TENM4: variants seen among roughly 807,000 people sequenced by gnomAD.
TENM4 encodes teneurin transmembrane protein 4.
TENM4 carries 82 observed loss-of-function variants against 243.3 expected under a neutral mutation model. The ratio of observed to expected loss-of-function variants is 0.34; its 90% CI spans 0.28 to 0.40. The LOEUF (loss-of-function observed/expected upper bound fraction) is 0.40, where lower values mean the gene tolerates loss of function less well. Among genes scored for constraint, TENM4 ranks in the 10% least tolerant of loss-of-function variants. TENM4 has a pLI of 1.00. For missense variants in TENM4, 3,138 were observed against 3,673.3 expected (o/e 0.85, Z 3.77); for synonymous variants, 1,412 against 1,456.3 (o/e 0.97, Z 0.69).
At chr11:79,214,401 A>T (rs1241116417) in intron 3 of TENM4, among the ~76,000 whole-genome samples, 1 of 152,172 alleles carries the variant, frequency 6.6e-6, no homozygotes, top group East Asian at 1.9e-4. Context: ...GGAAAAGCCT[A>T]CCTTTGTTTT....
At chr11:79,058,695 A>T (rs1258876373) in intron 6 of TENM4, among the ~76,000 whole-genome samples, 4 of 152,194 alleles carry the variant, frequency 2.6e-5, no homozygotes, top group African/African-American at 9.6e-5. Context: ...AAATGAGGGA[A>T]GGTTAAGAGT....
intron 6 of TENM4, among the ~76,000 whole-genome samples, chr11:78,974,202 A>G (rs76998205): frequency 0.011 from 1,623 of 152,328 alleles, 30 homozygotes; most frequent in African/African-American, 0.037. Flanking sequence ...GTAATTCCAC[A>G]TATAGTGGGT....
At chr11:79,110,785 G>T (rs1861485258) in intron 4 of TENM4, among the ~76,000 whole-genome samples, 1 of 152,180 alleles carries the variant, frequency 6.6e-6, no homozygotes, top group East Asian at 1.9e-4. Context: ...CTGGGACATG[G>T]TATCTGAGAG....
chr11:79,097,375 A>C (rs562005744), intron 4 of TENM4: 1 of 152,340 alleles, frequency 6.6e-6, no homozygotes, highest in Non-Finnish European at 1.5e-5. Flanking sequence ...AGGCTGAGGA[A>C]GGAACCAGAA....
At chr11:79,387,916 G>T (rs948458642) in intron 1 of TENM4, among the ~76,000 whole-genome samples, 1 of 152,314 alleles carries the variant, frequency 6.6e-6, no homozygotes, top group Middle Eastern at 3.4e-3. Context: ...GAGGTGGAAG[G>T]ATTGCTTGAG....
chr11:78,720,837 C>T (rs1430922135), intron 24 of TENM4, among the ~76,000 whole-genome samples: 1 of 152,028 alleles, frequency 6.6e-6, no homozygotes, highest in African/African-American at 2.4e-5. Context: ...CAATAGAATA[C>T]AGAATTGGAG....
At chr11:79,182,098 A>G (rs2135142289) in intron 3 of TENM4, among the ~76,000 whole-genome samples, 1 of 152,306 alleles carries the variant, frequency 6.6e-6, no homozygotes, top group East Asian at 1.9e-4. Flanking sequence ...AAATGAGTCT[A>G]TACTTGATAT....
Position 79,401,745 on chromosome 11 carries a change from C to A in TENM4, c.-321+38764G>T, listed in dbSNP as rs550275166. Among the ~76,000 whole-genome samples, 10 of 152,314 alleles carry A rather than the reference C, an allele frequency of 6.6e-5. No homozygotes were observed. In the South Asian group the frequency reaches 2.1e-3, roughly 32 times the overall value. On this transcript the variant is annotated intron_variant, in intron 1 of 33. Coordinates refer to ENST00000278550, the MANE Select transcript of TENM4 (RefSeq NM_001098816.3). ...CAAGCTCAGTCCAAATGAGTGACCCCTGGATCTTTGATCTGGGGGACCAAG... is the reference window on the plus strand; with the variant it reads ...CAAGCTCAGTCCAAATGAGTGACCCATGGATCTTTGATCTGGGGGACCAAG...
At position 78,805,282 on chromosome 11, in the gene TENM4, C is replaced by CCCCACCACACCCCCCCCCCCAA; in HGVS notation, c.2179+9_2179+10insTTGGGGGGGGGGGTGTGGTGGG. ...CCCTCTACCCATGCTTCTTCTCCCC[C>CCCCACCACACCCCCCCCCCCAA]TGCATTTACCGATAGAACAGTCGTG... On this transcript the variant is annotated intron_variant, in intron 15 of 33. Transcript: ENST00000278550. The CCCCACCACACCCCCCCCCCCAA allele has an allele frequency of 3.0e-6, 3 of 995,562 alleles. No individual in the cohort carries two copies. Among genetic ancestry groups the CCCCACCACACCCCCCCCCCCAA allele is most frequent in the Non-Finnish European group, 2.4e-6 (2 of 823,784 alleles). 61.7% of individuals were successfully genotyped at this position (995,562 alleles called of 1,614,324 possible).
chr11:78,877,137 C>T (rs978024407), intron 9 of TENM4, among the ~76,000 whole-genome samples: 4 of 152,212 alleles, frequency 2.6e-5, no homozygotes, highest in South Asian at 2.1e-4. Flanking sequence ...GATCATATTG[C>T]TGTCTTTAGA....
chr11:79,290,026 C>A (rs954936984), intron 2 of TENM4, among the ~76,000 whole-genome samples: 6 of 151,698 alleles, frequency 4.0e-5, no homozygotes, highest in African/African-American at 1.5e-4. Context: ...GAACTCCTGA[C>A]CTCAGGTGAT....
intron 6 of TENM4, among the ~76,000 whole-genome samples, chr11:78,939,651 T>C (rs1856849879): frequency 6.6e-6 from 1 of 152,164 alleles, no homozygotes; most frequent in Non-Finnish European, 1.5e-5. Context: ...GTACAAACTA[T>C]TAGTAAAATG....
At chr11:78,937,602 G>A (rs913381300) in intron 6 of TENM4, among the ~76,000 whole-genome samples, 4 of 152,128 alleles carry the variant, frequency 2.6e-5, no homozygotes, top group African/African-American at 9.7e-5. Flanking sequence ...AAATTTATAG[G>A]AGGCCATTGG....
chr11:79,439,663 C>CCACACACACACACACA (rs141828517), intron 1 of TENM4, among the ~76,000 whole-genome samples: 22 of 146,828 alleles, frequency 1.5e-4, no homozygotes, highest in South Asian at 4.4e-4. Flanking sequence ...GTGTGTGTGT[C>CCACACACACACACACA]CACACACACA....
At position 79,193,864 on chromosome 11, in the gene TENM4, G is replaced by A. The variant is rs188716422; in HGVS notation, c.-163+21944C>T. 2.7e-3 allele frequency among the ~76,000 whole-genome samples: 412 copies of A among 152,298 alleles called. 1 individual carries two copies. The highest frequency in any genetic ancestry group is 3.8e-3 in the Non-Finnish European group (260 of 68,022). ...GTTTCAGGAGGGGTATGAAGGATGGGAGTGTTTGGAGGTTGGGGGCAGCCC... is the reference window on the plus strand; with the variant it reads ...GTTTCAGGAGGGGTATGAAGGATGGAAGTGTTTGGAGGTTGGGGGCAGCCC... On this transcript the variant is annotated intron_variant, in intron 3 of 33. Coordinates refer to ENST00000278550, the MANE Select transcript of TENM4 (RefSeq NM_001098816.3).
At chr11:78,658,945 G>A (rs551425229) in intron 33 of TENM4, 129 bp from the exon 34 acceptor site, 295 of 1,074,228 alleles carry the variant, frequency 2.7e-4, no homozygotes, top group Non-Finnish European at 3.8e-4. Context: ...TAGCTCTACC[G>A]CTGACCACCA....
At chr11:78,770,654 T>C (rs1333698428) in intron 18 of TENM4, among the ~76,000 whole-genome samples, 5 of 152,242 alleles carry the variant, frequency 3.3e-5, no homozygotes, top group South Asian at 2.1e-4. Context: ...GGTCTCTTCT[T>C]ATCCATCTCC....
chr11:79,394,908 A>AG (rs1214014471), intron 1 of TENM4, among the ~76,000 whole-genome samples: 2 of 152,202 alleles, frequency 1.3e-5, no homozygotes, highest in East Asian at 3.9e-4. Flanking sequence ...AGGAGCACCA[A>AG]GGAGTGTCAC....
At chr11:79,285,252 TA>T (rs71465986) in intron 2 of TENM4, among the ~76,000 whole-genome samples, 2 of 146,674 alleles carry the variant, frequency 1.4e-5, no homozygotes, top group African/African-American at 5.1e-5. Context: ...AATAAATAAA[TA>T]AAAAAAAAGA....
Sources: gnomAD v4.1 joint callset for allele counts (sites outside exome capture counted in the v4.1 genomes callset) on GRCh38, gnomAD v4.1.1 for gene constraint, MANE v1.5 for transcripts, NCBI Gene and HGNC (gene_info 2026-07-23, HGNC 2026-07-21) for gene names.